Variants in TTC3 observed in about 807,000 individuals in gnomAD.
TTC3 encodes E3 ubiquitin-protein ligase TTC3.
TTC3 carries 180 observed loss-of-function variants against 249.6 expected under a neutral mutation model. That is an observed-to-expected ratio of 0.72 (90% CI 0.64 to 0.82). The LOEUF (loss-of-function observed/expected upper bound fraction) is 0.82. Among genes scored for constraint, TTC3 ranks in the 40% least tolerant of loss-of-function variants. The pLI, the probability that TTC3 is intolerant of heterozygous loss-of-function variation, is 0.00. For missense variants in TTC3, 2,061 were observed against 2,398.4 expected (o/e 0.86, Z 2.94); for synonymous variants, 717 against 805.0 (o/e 0.89, Z 1.85).
At chr21:37,153,102 C>G (rs758245003) in exon 27 of TTC3, 2 of 1,613,662 alleles carry the variant, frequency 1.2e-6, no homozygotes, top group South Asian at 1.1e-5. Flanking sequence ...GCACAGAAGA[C>G]TATACAACCT....
chr21:37,197,764 A>C, intron 43 of TTC3, 68 bp downstream of exon 43: 2 of 1,545,114 alleles, frequency 1.3e-6, no homozygotes, highest in Non-Finnish European at 1.7e-6. Context: ...TAAAAAAAAA[A>C]AAAAGCTTCA....
exon 28 of TTC3, chr21:37,156,810 T>C (rs993230355): frequency 6.2e-7 from 1 of 1,614,088 alleles, no homozygotes; most frequent in Non-Finnish European, 8.5e-7. Flanking sequence ...GCCAGCATCA[T>C]TGAAGGAAGC....
chr21:37,112,735 C>CA lies in TTC3; in HGVS notation c.900+4296dup, dbSNP rs1014101661. ...ATACCAAAGCCTGGCAGAGACACAA[C>CA]AAAAAAAGAGAATTTTAGACCAATA... On this transcript the variant is annotated intron_variant, in intron 11 of 45. Coordinates refer to ENST00000355666, the Ensembl canonical transcript of TTC3. 5.3e-5 allele frequency among the ~76,000 whole-genome samples: 8 copies of CA among 151,986 alleles called. No homozygotes were observed. In the East Asian group the frequency reaches 1.2e-3, roughly 22 times the overall value.
Position 37,133,022 on chromosome 21 carries a change from T to C in TTC3, c.1443+256T>C, listed in dbSNP as rs576408096. On this transcript the variant is annotated intron_variant, in intron 17 of 45. Transcript: ENST00000355666. ...CAGCTATTATAGACATATCATTTAA[T>C]ATATATGACTGCTAAGAATCCAATC... Among the ~76,000 whole-genome samples, 224 of 152,334 alleles carry C rather than the reference T, an allele frequency of 1.5e-3. 2 individuals carry two copies. Among genetic ancestry groups the C allele is most frequent in the African/African-American group, 4.9e-3 (205 of 41,582 alleles).
chr21:37,195,927 C>G, exon 42 of TTC3: 1 of 1,614,178 alleles, frequency 6.2e-7, no homozygotes, highest in Non-Finnish European at 8.5e-7. Context: ...TGTGGCTGAT[C>G]GGAAGCAGCC....
rs143370666 is a variant in TTC3 at position 37,157,980 on chromosome 21, G to A, written c.2992+1074G>A. 5.0e-4 allele frequency among the ~76,000 whole-genome samples: 76 copies of A among 152,296 alleles called. 1 individual carries two copies. Among genetic ancestry groups the A allele is most frequent in the Non-Finnish European group, 1.5e-4 (10 of 68,010 alleles). ...TAGACTTTTAAATGTCATGCTGTTTGTTTTAAAGGGTACATTAAAAGGTCT... is the reference window on the plus strand; with the variant it reads ...TAGACTTTTAAATGTCATGCTGTTTATTTTAAAGGGTACATTAAAAGGTCT... On this transcript the variant is annotated intron_variant, in intron 28 of 45. Coordinates refer to ENST00000355666, the Ensembl canonical transcript of TTC3.
At chr21:37,086,801 A>G (rs1269528071) in intron 1 of TTC3, 1 of 165,884 alleles carries the variant, frequency 6.0e-6, no homozygotes, top group Non-Finnish European at 1.3e-5. Flanking sequence ...GATTGAGAAT[A>G]TAACAGTTTG....
chr21:37,097,895 T>G (rs1345874258), intron 10 of TTC3: 1 of 702,090 alleles, frequency 1.4e-6, no homozygotes, highest in Non-Finnish European at 2.6e-6. Flanking sequence ...TTTATTGTGT[T>G]TTTCTTTTAT....
chr21:37,183,572 C>T (rs1464713293), intron 36 of TTC3, among the ~76,000 whole-genome samples: 2 of 152,134 alleles, frequency 1.3e-5, no homozygotes, highest in Non-Finnish European at 2.9e-5. Flanking sequence ...CTGAGTTCAG[C>T]TGGGCCATTC....
chr21:37,182,782 G>C (rs755879401), exon 36 of TTC3: 2 of 1,583,934 alleles, frequency 1.3e-6, no homozygotes, highest in African/African-American at 2.7e-5. Context: ...AGATCTCAAA[G>C]ACGGAATTAG....
chr21:37,079,745 G>A (rs955257918), intron 1 of TTC3, among the ~76,000 whole-genome samples: 16 of 151,752 alleles, frequency 1.1e-4, no homozygotes, highest in African/African-American at 3.9e-4. Flanking sequence ...TGTTGGCCAG[G>A]CTCTTCACAA....
Position 37,201,502 on chromosome 21 carries a change from G to C in TTC3, c.6006G>C (p.Leu2002=), listed in dbSNP as rs767205234. 3.1e-6 allele frequency: 5 copies of C among 1,613,920 alleles called. No individual in the cohort carries two copies. The African/African-American group carries it at 6.7e-5, about 22-fold the overall frequency. Reference sequence around the variant, plus strand: ...CGGCCTGCCAGGGTCGTGATCTCCTGACAGAAGAGTCACCTTCTGGAAGAG... The same window carrying C: ...CGGCCTGCCAGGGTCGTGATCTCCTCACAGAAGAGTCACCTTCTGGAAGAG... Residue 2002 remains leucine, a synonymous_variant, in exon 46 of 46, where the codon CTG becomes CTC. Transcript: ENST00000355666.
rs60361476 is a variant in TTC3 at position 37,079,517 on chromosome 21, GTTTTTTTTTTTTTTTTTTT to G, written c.-12+6169_-12+6187del. On this transcript the variant is annotated intron_variant, in intron 1 of 45. Transcript: ENST00000355666. Reference sequence around the variant, plus strand: ...GTCCTTTCATCAAGTTTATGGTATGGTTTTTTTTTTTTTTTTTTTTTTTTTTTTTTTTTTAAGATAGAGT... The same window carrying G: ...GTCCTTTCATCAAGTTTATGGTATGGTTTTTTTTTTTTTTTAAGATAGAGT... Among the ~76,000 whole-genome samples the G allele has an allele frequency of 3.2e-4, 29 of 91,232 alleles. 1 individual carries two copies. The East Asian group carries it at 9.0e-3, about 28-fold the overall frequency. 59.9% of individuals were successfully genotyped at this position (91,232 alleles called of 152,430 possible).
At chr21:37,121,535 TATAAC>T (rs2076585519) in intron 11 of TTC3, among the ~76,000 whole-genome samples, 1 of 152,210 alleles carries the variant, frequency 6.6e-6, no homozygotes, top group African/African-American at 2.4e-5. Context: ...GTTAGCAAAA[TATAAC>T]AAAAGTTGAA....
chr21:37,143,703 G>A (rs918408802), intron 20 of TTC3, among the ~76,000 whole-genome samples: 13 of 150,638 alleles, frequency 8.6e-5, no homozygotes, highest in Non-Finnish European at 1.8e-4. Flanking sequence ...CAGGGATCTC[G>A]AACTAGAAAT....
At chr21:37,156,581 G>T in intron 27 of TTC3, 74 bp from the exon 28 acceptor site, 1 of 1,522,208 alleles carries the variant, frequency 6.6e-7, no homozygotes, top group Non-Finnish European at 8.8e-7. Flanking sequence ...TGCTTTCAGA[G>T]ATGTGAAACT....
At chr21:37,194,553 G>A (rs2084630495) in intron 41 of TTC3, 1 of 152,112 alleles carries the variant, frequency 6.6e-6, no homozygotes, top group South Asian at 2.1e-4. Context: ...ATGCCATAGA[G>A]AAGCAATATA....
intron 25 of TTC3, 34 bp from the exon 26 acceptor site, chr21:37,151,859 C>G: frequency 3.3e-6 from 5 of 1,536,314 alleles, no homozygotes; most frequent in Non-Finnish European, 4.3e-6. Flanking sequence ...GAAAACAGTT[C>G]ATTGAGTTGT....
intron 1 of TTC3, among the ~76,000 whole-genome samples, chr21:37,079,105 C>G (rs925773124): frequency 6.6e-6 from 1 of 151,974 alleles, no homozygotes; most frequent in Non-Finnish European, 1.5e-5. Context: ...TATATTCTTT[C>G]TTGAGATAAA....
Sources: gnomAD v4.1 joint callset for allele counts (sites outside exome capture counted in the v4.1 genomes callset) on GRCh38, gnomAD v4.1.1 for gene constraint, MANE v1.5 for transcripts, NCBI Gene and HGNC (gene_info 2026-07-23, HGNC 2026-07-21) for gene names.